The following EPRS1 variants were observed in gnomAD, a reference collection of about 807,000 sequenced individuals.
EPRS1 encodes the protein glutamyl-prolyl-tRNA synthetase 1.
In EPRS1, 107 loss-of-function variants were observed where a neutral mutation model predicts 188.3. That is an observed-to-expected ratio of 0.57 (90% CI 0.49 to 0.67). The LOEUF is 0.67. EPRS1 is among the 30% of genes least tolerant of loss of function. The pLI, the probability that EPRS1 is intolerant of heterozygous loss-of-function variation, is 0.00. For synonymous variants in EPRS1, 596 were observed against 593.1 expected (o/e 1.00, Z -0.07); for missense variants, 1,577 against 1,802.2 (o/e 0.88, Z 2.26).
rs1417855634 is a variant in EPRS1, at chr1:220,041,374, T to C, written c.47-1105A>G. On this transcript the variant is annotated intron_variant, in intron 1 of 31. Coordinates refer to ENST00000366923, the MANE Select transcript of EPRS1 (RefSeq NM_004446.3). ...ATACTTTCATCCCCATTTTACAGAATAGGAAAGTAACGCTTAAAGGAGTTA... is the reference window on the plus strand; with the variant it reads ...ATACTTTCATCCCCATTTTACAGAACAGGAAAGTAACGCTTAAAGGAGTTA... Among the ~76,000 whole-genome samples, 6 of 151,634 alleles carry C rather than the reference T, an allele frequency of 4.0e-5. No homozygotes were observed. In the South Asian group the frequency reaches 1.0e-3, roughly 26 times the overall value.
At chr1:219,992,144 C>T (rs1414029200) in intron 18 of EPRS1, among the ~76,000 whole-genome samples, 2 of 152,114 alleles carry the variant, frequency 1.3e-5, no homozygotes, top group Non-Finnish European at 2.9e-5. Context: ...GAACAACCTG[C>T]TTAATGGACA....
At chr1:219,978,847 A>C (rs1571655356) in intron 27 of EPRS1, 128 bp from the exon 28 acceptor site, 9 of 630,688 alleles carry the variant, frequency 1.4e-5, no homozygotes, top group East Asian at 2.9e-5. Flanking sequence ...CTAATCTTAT[A>C]TATAATGTCT....
chr1:220,023,198 T>C (rs1046828232), intron 8 of EPRS1, among the ~76,000 whole-genome samples: 7 of 152,198 alleles, frequency 4.6e-5, no homozygotes, highest in African/African-American at 1.7e-4. Context: ...TCCCTCTATA[T>C]CACAATATCT....
intron 29 of EPRS1, among the ~76,000 whole-genome samples, chr1:219,972,406 C>CAAAA (rs1216755225): frequency 1.3e-5 from 2 of 152,122 alleles, no homozygotes; most frequent in Non-Finnish European, 2.9e-5. Flanking sequence ...TGTTAAATCT[C>CAAAA]TAATGACCAT....
chr1:220,043,917 A>G (rs1364978899), intron 1 of EPRS1, among the ~76,000 whole-genome samples: 2 of 152,184 alleles, frequency 1.3e-5, no homozygotes, highest in African/African-American at 4.8e-5. Flanking sequence ...TCTGGTTGTA[A>G]CAAATAATGA....
intron 1 of EPRS1, among the ~76,000 whole-genome samples, chr1:220,042,041 C>T (rs1054932557): frequency 6.0e-5 from 9 of 150,880 alleles, no homozygotes; most frequent in African/African-American, 1.5e-4. Context: ...ATTAGCTGGG[C>T]GTGGCAGCAC....
chr1:220,038,539 C>G (rs1662232142), intron 2 of EPRS1, among the ~76,000 whole-genome samples: 1 of 151,320 alleles, frequency 6.6e-6, no homozygotes, highest in Non-Finnish European at 1.5e-5. Flanking sequence ...GTACACCCAG[C>G]TAATTTTTCC....
intron 12 of EPRS1, chr1:220,018,227 T>A (rs955056084): frequency 8.4e-7 from 1 of 1,187,082 alleles, no homozygotes; most frequent in African/African-American, 1.5e-5. Context: ...TAATTCCAAG[T>A]TTGTTTGTTT....
chr1:220,046,235 C>A, intron 1 of EPRS1, 108 bp downstream of exon 1: 1 of 1,374,578 alleles, frequency 7.3e-7, no homozygotes, highest in Non-Finnish European at 1.0e-6. Flanking sequence ...GGTCCAACAT[C>A]CCAGATGGTG....
intron 12 of EPRS1, 80 bp downstream of exon 12, chr1:220,018,369 T>C: frequency 8.6e-7 from 1 of 1,163,502 alleles, no homozygotes; most frequent in Non-Finnish European, 1.3e-6. Context: ...TTCTCTACCA[T>C]GAGCACAGTA....
At chr1:219,978,799 A>G in intron 27 of EPRS1, 80 bp from the exon 28 acceptor site, 4 of 986,898 alleles carry the variant, frequency 4.1e-6, no homozygotes, top group South Asian at 1.7e-5. Context: ...GAAACCTACC[A>G]GTGGCTATAT....
chr1:219,969,202 T>G, intron 30 of EPRS1, 80 bp from the exon 31 acceptor site: 4 of 1,042,208 alleles, frequency 3.8e-6, no homozygotes, highest in Non-Finnish European at 5.9e-6. Flanking sequence ...GAGTTCTATA[T>G]TAAACTGGCA....
rs144026458 is a variant in EPRS1 at position 219,987,319 on chromosome 1, G to C, written c.2861C>G (p.Ser954Trp). ...ATCTTTGTCCTCAGCTCCAGTGGCC[G>C]ACACAGGCTTATACTCTACTCCTAT... is the stretch of plus-strand genomic sequence containing the variant. ...SLIGVEYKPV[S>W]ATGAEDKDKK... The change falls in exon 20 of 32, where the codon TCG (serine) becomes TGG (tryptophan). Residue 954 changes from serine (S) to tryptophan (W), a missense_variant. Ser to Trp is a radical substitution (Grantham distance 177). This residue lies in a region of EPRS1 where 1,278 missense variants were observed against 1,457.4 expected (regional missense o/e 0.88). Transcript: ENST00000366923. 5.9e-5 allele frequency: 95 copies of C among 1,613,786 alleles called. No homozygotes were observed. Among genetic ancestry groups the C allele is most frequent in the Non-Finnish European group, 8.0e-5 (94 of 1,179,882 alleles).
chr1:220,032,240 AATTTTT>A, intron 5 of EPRS1, 141 bp downstream of exon 5: 1 of 389,088 alleles, frequency 2.6e-6, no homozygotes, highest in Non-Finnish European at 3.9e-6. Context: ...ACGCCCGGCT[AATTTTT>A]TTTTTTTTTT....
rs375126481 is a variant in EPRS1, at chr1:220,011,071, T to A, written c.1495-15A>T. On this transcript the variant is annotated splice_polypyrimidine_tract_variant and intron_variant, in intron 12 of 31. Transcript: ENST00000366923. ...GGGTCAATAACCTGCAACAAATACA[T>A]CCTCATGTTAAAACACTGCGATATC... is the stretch of plus-strand genomic sequence containing the variant. 4.2e-6 allele frequency: 6 copies of A among 1,433,452 alleles called. No homozygotes were observed. In the African/African-American group the frequency reaches 7.0e-5, roughly 17 times the overall value. The allele number at this position is 1,433,452 out of a possible 1,614,324, so 88.8% of individuals were successfully genotyped here. A position where few individuals can be genotyped will look rare whatever the true frequency, so the allele number is the denominator to read the frequency against.
At chr1:220,011,152 T>C in intron 12 of EPRS1, 96 bp from the exon 13 acceptor site, 1 of 679,124 alleles carries the variant, frequency 1.5e-6, no homozygotes, top group South Asian at 1.9e-5. Flanking sequence ...ACTGGCTTTC[T>C]TGTTACTGCA....
At position 219,980,145 on chromosome 1, in the gene EPRS1, T is replaced by C. The variant is rs750375315; in HGVS notation, c.3651A>G (p.Ala1217=). Residue 1217 remains alanine, a synonymous_variant, in exon 26 of 32, where the codon GCA becomes GCG. Coordinates refer to ENST00000366923, the MANE Select transcript of EPRS1 (RefSeq NM_004446.3). ...CTATTGTAGTTGTATAGTCTCCTCC[T>C]GCAAATTTTTCCTTTTCCGTCTTTC... ...KGRKTEKEKF[A]GGDYTTTIEA... 10 of 1,613,790 alleles carry C rather than the reference T, an allele frequency of 6.2e-6. No individual in the cohort carries two copies. The highest frequency in any genetic ancestry group is 8.5e-6 in the Non-Finnish European group (10 of 1,179,854).
intron 12 of EPRS1, among the ~76,000 whole-genome samples, chr1:220,016,787 A>G (rs562357268): frequency 1.3e-5 from 2 of 151,226 alleles, no homozygotes; most frequent in East Asian, 3.9e-4. Context: ...ACAAAGCAAG[A>G]CAATCAACTA....
intron 18 of EPRS1, among the ~76,000 whole-genome samples, chr1:219,993,129 G>A (rs1276418049): frequency 6.6e-6 from 1 of 151,728 alleles, no homozygotes; most frequent in African/African-American, 2.4e-5. Context: ...CAGCTACTTA[G>A]GAGACTGAGA....
Sources: allele counts gnomAD v4.1 joint callset (sites outside exome capture counted in the v4.1 genomes callset), GRCh38; gene constraint gnomAD v4.1.1; regional missense constraint gnomAD v4.1.1; transcripts MANE v1.5; gene names NCBI Gene and HGNC (gene_info 2026-07-23, HGNC 2026-07-21).